SUGCT: variants seen among roughly 807,000 people sequenced by gnomAD.
SUGCT encodes the protein succinyl-CoA:glutarate CoA-transferase.
A neutral mutation model predicts 55.0 loss-of-function variants in SUGCT; 41 were observed. That is an observed-to-expected ratio of 0.74 (90% CI 0.58 to 0.97). The LOEUF (loss-of-function observed/expected upper bound fraction) is 0.97, where lower values mean the gene tolerates loss of function less well. Among genes scored for constraint, SUGCT ranks in the 50% least tolerant of loss-of-function variants. The pLI is 0.00. For synonymous variants in SUGCT, 187 were observed against 200.4 expected, an observed-to-expected ratio of 0.93 and a Z score of 0.56; for missense variants, 568 against 547.8, an observed-to-expected ratio of 1.04 and a Z score of -0.37.
chr7:40,551,320 C>T (rs529780304), intron 12 of SUGCT, among the ~76,000 whole-genome samples: 17 of 152,198 alleles, frequency 1.1e-4, no homozygotes, highest in Non-Finnish European at 2.2e-4. Context: ...ATTTATTTTC[C>T]TTAGGGATAT....
At chr7:40,697,528 C>T (rs1784986997) in intron 12 of SUGCT, among the ~76,000 whole-genome samples, 2 of 152,136 alleles carry the variant, frequency 1.3e-5, no homozygotes, top group South Asian at 4.1e-4. Context: ...ATTCCAGCTA[C>T]TCAGGAGGCT....
At chr7:40,479,366 A>G (rs1167433468) in intron 11 of SUGCT, among the ~76,000 whole-genome samples, 1 of 152,176 alleles carries the variant, frequency 6.6e-6, no homozygotes, top group African/African-American at 2.4e-5. Context: ...TAGACACAAT[A>G]TTCATACAAT....
intron 12 of SUGCT, among the ~76,000 whole-genome samples, chr7:40,531,715 C>T (rs1053970896): frequency 1.3e-5 from 2 of 151,852 alleles, no homozygotes; most frequent in Non-Finnish European, 2.9e-5. Context: ...GCTCTGTCAC[C>T]CAGGCTGGAG....
chr7:40,929,253 T>G, the SUGCT span, among the ~76,000 whole-genome samples: 10 of 152,184 alleles, frequency 6.6e-5, no homozygotes, highest in Non-Finnish European at 1.3e-4. Context: ...GGACATGAAC[T>G]CATTCTTTTT....
chr7:40,166,823 G>A (rs777550059), intron 1 of SUGCT, among the ~76,000 whole-genome samples: 6 of 151,500 alleles, frequency 4.0e-5, no homozygotes, highest in Admixed American at 3.3e-4. Context: ...GGAGGTGGAG[G>A]TTGCAGTGAG....
At chr7:40,465,005 A>G (rs1790024679) in intron 11 of SUGCT, among the ~76,000 whole-genome samples, 1 of 152,226 alleles carries the variant, frequency 6.6e-6, no homozygotes, top group African/African-American at 2.4e-5. Context: ...TTACATATGT[A>G]AAGCAAGTAT....
chr7:40,334,967 A>G (rs1205788903), intron 9 of SUGCT, among the ~76,000 whole-genome samples: 3 of 152,242 alleles, frequency 2.0e-5, no homozygotes, highest in African/African-American at 4.8e-5. Flanking sequence ...AGCTTTCTGC[A>G]TATGGCTAGC....
chr7:40,575,778 T>C (rs934147841), intron 12 of SUGCT, among the ~76,000 whole-genome samples: 25 of 151,482 alleles, frequency 1.7e-4, no homozygotes, highest in Non-Finnish European at 2.1e-4. Context: ...AAACCCTGTC[T>C]CTACTCAAAA....
intron 11 of SUGCT, among the ~76,000 whole-genome samples, chr7:40,473,586 C>T (rs1033359264): frequency 6.6e-6 from 1 of 151,938 alleles, no homozygotes; most frequent in East Asian, 1.9e-4. Context: ...CCCAAAAGTC[C>T]TCTGAAAGTT....
intron 8 of SUGCT, among the ~76,000 whole-genome samples, chr7:40,285,481 T>G (rs1200202365): frequency 9.0e-6 from 1 of 110,780 alleles, no homozygotes; most frequent in Non-Finnish European, 1.8e-5. Context: ...ATTCTTGTTT[T>G]TTTCTTTTTT....
chr7:40,948,277 G>A, the SUGCT span, among the ~76,000 whole-genome samples: 2 of 152,150 alleles, frequency 1.3e-5, no homozygotes. Flanking sequence ...AACTGCAACT[G>A]ACGATCATGT....
intron 9 of SUGCT, among the ~76,000 whole-genome samples, chr7:40,338,989 T>C (rs1796885887): frequency 6.6e-6 from 1 of 152,250 alleles, no homozygotes; most frequent in Non-Finnish European, 1.5e-5. Context: ...GCTGCAGGTC[T>C]GTTGGAGTTT....
At chr7:40,614,988 G>A (rs1304610136) in intron 12 of SUGCT, among the ~76,000 whole-genome samples, 1 of 151,572 alleles carries the variant, frequency 6.6e-6, no homozygotes, top group Non-Finnish European at 1.5e-5. Context: ...CTTGGGAGGC[G>A]GAGGTTGCAG....
At chr7:40,259,967 G>C (rs1791112856) in intron 7 of SUGCT, among the ~76,000 whole-genome samples, 1 of 152,120 alleles carries the variant, frequency 6.6e-6, no homozygotes, top group African/African-American at 2.4e-5. Context: ...TCCTTCATCT[G>C]GAGATAGTAA....
chr7:40,168,961 A>G (rs544999220), intron 1 of SUGCT, among the ~76,000 whole-genome samples: 2 of 151,768 alleles, frequency 1.3e-5, no homozygotes, highest in African/African-American at 4.8e-5. Flanking sequence ...CTTTCTGATG[A>G]CCCCAGCAGT....
intron 13 of SUGCT, among the ~76,000 whole-genome samples, chr7:40,850,025 A>G (rs1019116665): frequency 6.6e-6 from 1 of 152,152 alleles, no homozygotes; most frequent in African/African-American, 2.4e-5. Flanking sequence ...AATAACAAGT[A>G]TTTATTGCAC....
Position 40,274,568 on chromosome 7 carries a change from A to G in SUGCT, c.632A>G (p.Tyr211Cys). The change falls in exon 8 of 14, where the codon TAT (tyrosine) becomes TGT (cysteine). Residue 211 changes from tyrosine to cysteine, a missense_variant. Physicochemically the swap from Tyr to Cys is radical, Grantham distance 194. Transcript: ENST00000335693. Reference sequence around the variant, plus strand: ...ATGACTGATCTTGCCACTGGCCTGTATGCATATGGAGCTATTATGGCTGGA... The same window carrying G: ...ATGACTGATCTTGCCACTGGCCTGTGTGCATATGGAGCTATTATGGCTGGA... ...VAMTDLATGL[Y>C]AYGAIMAGLI... The G allele has an allele frequency of 6.2e-7, 1 of 1,613,820 alleles. No individual in the cohort carries two copies. Among genetic ancestry groups the G allele is most frequent in the South Asian group, 1.1e-5 (1 of 91,086 alleles).
chr7:40,867,016 T>G, the SUGCT span, among the ~76,000 whole-genome samples: 1 of 151,820 alleles, frequency 6.6e-6, no homozygotes, highest in South Asian at 2.1e-4. Flanking sequence ...TAGGCCCAGA[T>G]GGGGGGAGAA....
chr7:40,230,309 A>ATG (rs1788643491), intron 6 of SUGCT, among the ~76,000 whole-genome samples: 1 of 152,188 alleles, frequency 6.6e-6, no homozygotes, highest in East Asian at 1.9e-4. Context: ...CTAAGTATGC[A>ATG]TGTCACGTGG....
Sources: gnomAD v4.1 joint callset for allele counts (sites outside exome capture counted in the v4.1 genomes callset) on GRCh38, gnomAD v4.1.1 for gene constraint, MANE v1.5 for transcripts, NCBI Gene and HGNC (gene_info 2026-07-23, HGNC 2026-07-21) for gene names.